Variants in RGS6 observed in about 807,000 individuals in gnomAD.
RGS6 encodes regulator of G protein signaling 6.
RGS6 carries 30 observed loss-of-function variants against 78.5 expected under a neutral mutation model. That is an observed-to-expected ratio of 0.38 (90% CI 0.29 to 0.52). RGS6 has a LOEUF of 0.52. Among genes scored for constraint, RGS6 ranks in the 20% least tolerant of loss-of-function variants. The probability of loss-of-function intolerance (pLI) is 0.85; values close to 1 mark genes in which losing one functional copy is unlikely to be tolerated. For missense variants in RGS6, 495 were observed against 609.7 expected, an observed-to-expected ratio of 0.81 and a Z score of 1.98; for synonymous variants, 206 against 206.0, an observed-to-expected ratio of 1.00 and a Z score of 0.00.
chr14:72,156,669 T>C (rs938350333), intron 2 of RGS6, among the ~76,000 whole-genome samples: 3 of 152,080 alleles, frequency 2.0e-5, no homozygotes, highest in African/African-American at 7.2e-5. Context: ...TTGATAGTTC[T>C]CTAGCAAATA....
chr14:72,127,539 A>C (rs2096226847), intron 2 of RGS6, among the ~76,000 whole-genome samples: 1 of 152,216 alleles, frequency 6.6e-6, no homozygotes, highest in Admixed American at 6.5e-5. Flanking sequence ...AAAAATGTAA[A>C]GTAATAAAAA....
chr14:72,533,624 C>T (rs914855060), intron 15 of RGS6, among the ~76,000 whole-genome samples: 2 of 152,134 alleles, frequency 1.3e-5, no homozygotes, highest in African/African-American at 2.4e-5. Context: ...ATTTGTGTTT[C>T]GTGGAAAGAA....
At chr14:72,175,299 T>C (rs2153689860) in intron 2 of RGS6, among the ~76,000 whole-genome samples, 1 of 152,286 alleles carries the variant, frequency 6.6e-6, no homozygotes, top group East Asian at 1.9e-4. Flanking sequence ...GGAAGCAAAA[T>C]AAGTCAGCAG....
chr14:72,121,545 C>T lies in RGS6; in HGVS notation c.84+156670C>T, dbSNP rs142698080. 3.0e-3 allele frequency among the ~76,000 whole-genome samples: 456 copies of T among 152,254 alleles called. 1 individual carries two copies. The highest frequency in any genetic ancestry group is 0.01 in the African/African-American group (417 of 41,546). On this transcript the variant is annotated intron_variant, in intron 2 of 17. Transcript: ENST00000553525. ...CAGAGTGATCACACACTGTGCTGTG[C>T]TCTTTGGTATATATATGAAAAGCAT...
chr14:72,624,459 G>A, the RGS6 span, among the ~76,000 whole-genome samples: 24 of 149,756 alleles, frequency 1.6e-4, no homozygotes, highest in Non-Finnish European at 2.2e-4. Context: ...CTGCCTCAGC[G>A]TCCTGAGTAA....
At chr14:72,294,497 A>C (rs1206466718) in intron 2 of RGS6, among the ~76,000 whole-genome samples, 1 of 152,214 alleles carries the variant, frequency 6.6e-6, no homozygotes, top group African/African-American at 2.4e-5. Context: ...GATTTAGGCC[A>C]CTGTATGAGT....
At position 72,562,677 on chromosome 14, in the gene RGS6, T is replaced by A. The variant is rs900900019; in HGVS notation, c.*210T>A. 3.3e-6 allele frequency: 5 copies of A among 1,536,114 alleles called. No homozygotes were observed. In the Admixed American group the frequency reaches 7.8e-5, roughly 24 times the overall value. On this transcript the variant is annotated 3_prime_UTR_variant, in exon 18 of 18. Coordinates refer to ENST00000553525, the MANE Select transcript of RGS6 (RefSeq NM_001204424.2). ...TCCACAGAGCCTGGGCTGGGCCCGG[T>A]GGAGGCTCCTGTTTACAGCCCTCTC...
chr14:72,157,058 C>G (rs1445564093), intron 2 of RGS6, among the ~76,000 whole-genome samples: 2 of 152,198 alleles, frequency 1.3e-5, no homozygotes, highest in African/African-American at 4.8e-5. Flanking sequence ...ACCTTCTCTT[C>G]TTGTGAAAGT....
chr14:72,543,864 T>G (rs2097357755), intron 17 of RGS6, among the ~76,000 whole-genome samples: 1 of 152,122 alleles, frequency 6.6e-6, no homozygotes, highest in South Asian at 2.1e-4. Flanking sequence ...GCCTCCCGAG[T>G]AGCTGGGATT....
intron 13 of RGS6, among the ~76,000 whole-genome samples, chr14:72,507,105 C>G (rs1452638467): frequency 2.0e-5 from 3 of 151,578 alleles, no homozygotes; most frequent in Non-Finnish European, 4.4e-5. Context: ...GGAGGCGGAG[C>G]CTGCAGTGAG....
intron 2 of RGS6, among the ~76,000 whole-genome samples, chr14:72,321,214 T>A (rs1286070567): frequency 6.6e-6 from 1 of 151,814 alleles, no homozygotes; most frequent in Non-Finnish European, 1.5e-5. Flanking sequence ...AGGTGATCAC[T>A]GGAAAAATTA....
chr14:72,387,324 C>T (rs765042109), intron 3 of RGS6, among the ~76,000 whole-genome samples: 6 of 152,036 alleles, frequency 3.9e-5, no homozygotes, highest in Admixed American at 6.6e-5. Flanking sequence ...CCAAGGTGGG[C>T]GGATCACCAG....
At chr14:72,361,696 G>A (rs1566627057) in intron 3 of RGS6, among the ~76,000 whole-genome samples, 1 of 152,194 alleles carries the variant, frequency 6.6e-6, no homozygotes, top group Non-Finnish European at 1.5e-5. Context: ...TACTGGGGGA[G>A]TGTTAGAGAA....
chr14:72,128,645 A>C (rs984597554), intron 2 of RGS6, among the ~76,000 whole-genome samples: 2 of 152,176 alleles, frequency 1.3e-5, no homozygotes, highest in African/African-American at 4.8e-5. Flanking sequence ...TCATTAAATA[A>C]ACACTCACTT....
chr14:72,192,168 C>G (rs2097334536), intron 2 of RGS6, among the ~76,000 whole-genome samples: 1 of 152,186 alleles, frequency 6.6e-6, no homozygotes, highest in African/African-American at 2.4e-5. Context: ...ATCTGATATG[C>G]TTCTGGTATA....
At chr14:72,545,832 C>G (rs1409090115) in intron 17 of RGS6, among the ~76,000 whole-genome samples, 1 of 152,156 alleles carries the variant, frequency 6.6e-6, no homozygotes, top group Non-Finnish European at 1.5e-5. Flanking sequence ...GGAGGACTCA[C>G]AGAGAACAGG....
intron 2 of RGS6, among the ~76,000 whole-genome samples, chr14:72,165,766 G>A (rs368910553): frequency 1.2e-4 from 19 of 152,120 alleles, no homozygotes; most frequent in African/African-American, 4.3e-4. Context: ...GTTTTTGCTC[G>A]GAATCATTCT....
intron 2 of RGS6, among the ~76,000 whole-genome samples, chr14:72,101,415 C>G (rs2095525126): frequency 6.6e-6 from 1 of 152,168 alleles, no homozygotes; most frequent in South Asian, 2.1e-4. Flanking sequence ...GTGCCTGGCA[C>G]AGAATAGGTG....
At chr14:72,068,329 T>C (rs2153450590) in intron 2 of RGS6, among the ~76,000 whole-genome samples, 1 of 151,840 alleles carries the variant, frequency 6.6e-6, no homozygotes, top group South Asian at 2.1e-4. Flanking sequence ...GAGAGGGGGT[T>C]TTGCCATGTT....
Sources: allele counts gnomAD v4.1 joint callset (sites outside exome capture counted in the v4.1 genomes callset), GRCh38; gene constraint gnomAD v4.1.1; transcripts MANE v1.5; gene names NCBI Gene and HGNC (gene_info 2026-07-23, HGNC 2026-07-21).